SH3RF3: variants seen among roughly 807,000 people sequenced by gnomAD.
SH3RF3 encodes SH3 domain containing ring finger 3, also known as E3 ubiquitin-protein ligase SH3RF3.
SH3RF3 carries 29 observed loss-of-function variants against 66.3 expected under a neutral mutation model. The observed-to-expected ratio is 0.44, with a 90% CI of 0.33 to 0.60. SH3RF3 has a LOEUF of 0.60. Among genes scored for constraint, SH3RF3 ranks in the 20% least tolerant of loss-of-function variants. The probability of loss-of-function intolerance (pLI) is 0.04; values close to 1 mark genes in which losing one functional copy is unlikely to be tolerated. For missense variants in SH3RF3, 1,194 were observed against 1,190.9 expected (o/e 1.00, Z -0.04); for synonymous variants, 583 against 532.0 (o/e 1.10, Z -1.32).
rs570058450 is a variant in SH3RF3, at chr2:109,342,216, G to A, written c.574-5458G>A. On this transcript the variant is annotated intron_variant, in intron 1 of 9. Transcript: ENST00000309415. Reference sequence around the variant, plus strand: ...CCATACCTGGGATTTTCCCCATTCCGCCAGGCCCAGCTGCTATTAGCAATA... The same window carrying A: ...CCATACCTGGGATTTTCCCCATTCCACCAGGCCCAGCTGCTATTAGCAATA... Among the ~76,000 whole-genome samples the A allele has an allele frequency of 4.6e-5, 7 of 152,282 alleles. No homozygotes were observed. In the South Asian group the frequency reaches 1.0e-3, roughly 23 times the overall value.
At chr2:109,248,594 T>G (rs1679976288) in intron 1 of SH3RF3, among the ~76,000 whole-genome samples, 1 of 152,226 alleles carries the variant, frequency 6.6e-6, no homozygotes, top group Non-Finnish European at 1.5e-5. Flanking sequence ...CTTGAGACAT[T>G]AATTGACCAA....
At chr2:109,491,922 A>G (rs1041676107) in intron 9 of SH3RF3, among the ~76,000 whole-genome samples, 1 of 152,174 alleles carries the variant, frequency 6.6e-6, no homozygotes, top group African/African-American at 2.4e-5. Context: ...CGCCATTCCC[A>G]GTGCCAGGTG....
At chr2:109,225,560 G>T (rs1356524009) in intron 1 of SH3RF3, among the ~76,000 whole-genome samples, 1 of 152,342 alleles carries the variant, frequency 6.6e-6, no homozygotes, top group South Asian at 2.1e-4. Flanking sequence ...GCCAGGGAAT[G>T]ATTTTTAATG....
intron 4 of SH3RF3, among the ~76,000 whole-genome samples, chr2:109,416,469 C>A (rs1364604021): frequency 2.0e-5 from 3 of 152,168 alleles, no homozygotes; most frequent in African/African-American, 7.2e-5. Flanking sequence ...ACTGCAACTT[C>A]CGCCTCCTGG....
At chr2:109,398,968 G>A in intron 4 of SH3RF3, 25 bp downstream of exon 4, 3 of 1,588,580 alleles carry the variant, frequency 1.9e-6, no homozygotes, top group South Asian at 1.1e-5. Context: ...GCCAGGGCAG[G>A]CATCCCTGGG....
chr2:109,264,289 C>T (rs1334717478), intron 1 of SH3RF3, among the ~76,000 whole-genome samples: 1 of 147,584 alleles, frequency 6.8e-6, no homozygotes, highest in Admixed American at 6.8e-5. Context: ...CCCCCATCCA[C>T]CTCCACAGGA....
At chr2:109,155,459 C>A (rs906177144) in intron 1 of SH3RF3, among the ~76,000 whole-genome samples, 7 of 152,042 alleles carry the variant, frequency 4.6e-5, no homozygotes, top group Admixed American at 1.3e-4. Flanking sequence ...CCCACCACCA[C>A]GCCTGGCTAA....
chr2:109,408,125 C>A (rs763157671), intron 4 of SH3RF3, among the ~76,000 whole-genome samples: 7 of 152,172 alleles, frequency 4.6e-5, no homozygotes, highest in African/African-American at 1.7e-4. Flanking sequence ...CTTGTCCTAG[C>A]AGCTGTTGAA....
At chr2:109,338,809 C>G (rs537107890) in intron 1 of SH3RF3, among the ~76,000 whole-genome samples, 1 of 152,156 alleles carries the variant, frequency 6.6e-6, no homozygotes, top group African/African-American at 2.4e-5. Context: ...CCACCCGCCT[C>G]GGCCTCCCAA....
chr2:109,140,357 A>G (rs547775792), intron 1 of SH3RF3, among the ~76,000 whole-genome samples: 146 of 147,912 alleles, frequency 9.9e-4, no homozygotes, highest in African/African-American at 3.3e-3. Context: ...TTCTTTTTCT[A>G]TTTTTCCCAG....
rs757739880 is a variant in SH3RF3 at position 109,342,587 on chromosome 2, A to T, written c.574-5087A>T. Among the ~76,000 whole-genome samples the T allele has an allele frequency of 7.4e-4, 112 of 152,290 alleles. 2 individuals are homozygous for T. Among genetic ancestry groups the T allele is most frequent in the Non-Finnish European group, 1.2e-3 (79 of 68,020 alleles). ...ACGCTCTCCACCCCAGCTTGCTGGG[A>T]GGTCTGGAATAGGCCAGTTGGGGTT... is the stretch of plus-strand genomic sequence containing the variant. On this transcript the variant is annotated intron_variant, in intron 1 of 9. Coordinates refer to ENST00000309415, the MANE Select transcript of SH3RF3 (RefSeq NM_001099289.3).
At chr2:109,290,740 G>A (rs1300848000) in intron 1 of SH3RF3, among the ~76,000 whole-genome samples, 1 of 152,246 alleles carries the variant, frequency 6.6e-6, no homozygotes, top group Non-Finnish European at 1.5e-5. Context: ...AGGTGCTGCT[G>A]TTACACCCAT....
chr2:109,387,184 C>T lies in SH3RF3; in HGVS notation c.946-11406C>T, dbSNP rs114926003. ...TATATTTTGGACAAATTTGAGATTGCGCTGTATCAGTATTTCTGCCTGGCT... is the reference window on the plus strand; with the variant it reads ...TATATTTTGGACAAATTTGAGATTGTGCTGTATCAGTATTTCTGCCTGGCT... On this transcript the variant is annotated intron_variant, in intron 3 of 9. Transcript: ENST00000309415. 5.7e-3 allele frequency among the ~76,000 whole-genome samples: 867 copies of T among 152,224 alleles called. 9 individuals carry two copies. Among genetic ancestry groups the T allele is most frequent in the African/African-American group, 0.02 (822 of 41,540 alleles).
At chr2:109,257,073 G>A (rs553576501) in intron 1 of SH3RF3, among the ~76,000 whole-genome samples, 43 of 152,258 alleles carry the variant, frequency 2.8e-4, no homozygotes, top group African/African-American at 1.0e-3. Context: ...TAGGGGCACC[G>A]TGTATTTCAG....
At chr2:109,197,614 A>G (rs1053354373) in intron 1 of SH3RF3, among the ~76,000 whole-genome samples, 1 of 152,186 alleles carries the variant, frequency 6.6e-6, no homozygotes, top group African/African-American at 2.4e-5. Flanking sequence ...AATGCTCTGC[A>G]GTTGCTGTTT....
At chr2:109,491,004 C>A in intron 9 of SH3RF3, 68 bp downstream of exon 9, 1 of 1,356,382 alleles carries the variant, frequency 7.4e-7, no homozygotes, top group Non-Finnish European at 9.6e-7. Flanking sequence ...GAGCCACCTT[C>A]GGGGAGCAGG....
intron 1 of SH3RF3, among the ~76,000 whole-genome samples, chr2:109,294,517 C>T (rs1359768882): frequency 6.8e-6 from 1 of 147,644 alleles, no homozygotes; most frequent in Non-Finnish European, 1.5e-5. Context: ...GCCAAGATCA[C>T]ACCACTACAC....
At chr2:109,473,783 A>T (rs539856576) in intron 8 of SH3RF3, among the ~76,000 whole-genome samples, 1 of 141,242 alleles carries the variant, frequency 7.1e-6, no homozygotes, top group East Asian at 2.3e-4. Flanking sequence ...TGAGCCTGAG[A>T]GGCCTCTGAG....
Position 109,226,435 on chromosome 2 carries a change from G to A in SH3RF3, c.573+96322G>A, listed in dbSNP as rs529986426. Among the ~76,000 whole-genome samples the A allele has an allele frequency of 2.0e-5, 3 of 152,226 alleles. No individual in the cohort carries two copies. In the South Asian group the frequency reaches 6.2e-4, roughly 32 times the overall value. On this transcript the variant is annotated intron_variant, in intron 1 of 9. Coordinates refer to ENST00000309415, the MANE Select transcript of SH3RF3 (RefSeq NM_001099289.3). ...CCATGTGAGGTCTAATGACACACGT[G>A]GCCCATGTGCAGTCCTCATCGTTAA...
Sources: gnomAD v4.1 joint callset for allele counts (sites outside exome capture counted in the v4.1 genomes callset) on GRCh38, gnomAD v4.1.1 for gene constraint, MANE v1.5 for transcripts, NCBI Gene and HGNC (gene_info 2026-07-23, HGNC 2026-07-21) for gene names.